The following NRIP1 variants were observed in gnomAD, a reference collection of about 807,000 sequenced individuals.
The protein encoded by NRIP1 is nuclear receptor interacting protein 1.
A neutral mutation model predicts 75.0 loss-of-function variants in NRIP1; 28 were observed. The observed-to-expected ratio is 0.37, with a 90% CI of 0.28 to 0.51. The LOEUF (loss-of-function observed/expected upper bound fraction) is 0.51, where lower values mean the gene tolerates loss of function less well. NRIP1 is among the 20% of genes least tolerant of loss of function. The pLI is 0.92. For synonymous variants in NRIP1, 526 were observed against 487.6 expected (o/e 1.08, Z -1.04); for missense variants, 1,435 against 1,343.7 (o/e 1.07, Z -1.06).
chr21:15,052,015 G>A (rs1389645447), intron 1 of NRIP1: 1 of 152,108 alleles, frequency 6.6e-6, no homozygotes, highest in Non-Finnish European at 1.5e-5. Flanking sequence ...GTTCAATTAT[G>A]TTAAGCTAAA....
At chr21:14,975,494 G>A (rs2087031156) in intron 3 of NRIP1, among the ~76,000 whole-genome samples, 1 of 152,084 alleles carries the variant, frequency 6.6e-6, no homozygotes, top group South Asian at 2.1e-4. Flanking sequence ...TGGCTAGCCT[G>A]TAATCCTAGC....
intron 3 of NRIP1, among the ~76,000 whole-genome samples, chr21:14,991,459 G>C (rs187328011): frequency 1.3e-5 from 2 of 151,964 alleles, no homozygotes; most frequent in Admixed American, 1.3e-4. Flanking sequence ...TTATTTTAAA[G>C]GCCTTTTTGA....
At chr21:15,006,007 A>C (rs938442980) in intron 3 of NRIP1, among the ~76,000 whole-genome samples, 1 of 152,098 alleles carries the variant, frequency 6.6e-6, no homozygotes, top group Admixed American at 6.5e-5. Flanking sequence ...ATCAATATTT[A>C]TCTCTAGAAT....
intron 3 of NRIP1, among the ~76,000 whole-genome samples, chr21:15,011,599 GA>G (rs879939683): frequency 3.9e-5 from 6 of 152,026 alleles, no homozygotes; most frequent in Admixed American, 2.6e-4. Context: ...AATCAAACTA[GA>G]AAAAAGTACA....
chr21:15,051,186 G>A (rs907883375), intron 1 of NRIP1: 3 of 299,280 alleles, frequency 1.0e-5, no homozygotes, highest in Admixed American at 4.6e-5. Flanking sequence ...GAGAACTCAT[G>A]AGTATAATAA....
At position 14,963,525 on chromosome 21, in the gene NRIP1, C is replaced by G. The variant is rs1218873668; in HGVS notation, c.*1191G>C. The G allele has an allele frequency of 2.0e-5, 3 of 152,464 alleles. No homozygotes were observed. Among genetic ancestry groups the G allele is most frequent in the Admixed American group, 2.0e-4 (3 of 15,248 alleles). 9.4% of individuals were successfully genotyped at this position (152,464 alleles called of 1,614,324 possible). A position where few individuals can be genotyped will look rare whatever the true frequency, so the allele number is the denominator to read the frequency against. ...GAACTACAATATTGCAAATTTTGAG[C>G]TGATGTGTGACTGTATTGGGGAAAA... On this transcript the variant is annotated 3_prime_UTR_variant, in exon 4 of 4. Transcript: ENST00000318948.
chr21:14,998,620 C>T (rs2087785596), intron 3 of NRIP1, among the ~76,000 whole-genome samples: 1 of 152,192 alleles, frequency 6.6e-6, no homozygotes, highest in African/African-American at 2.4e-5. Context: ...TCTTCCATTT[C>T]TGCCAATCCT....
intron 1 of NRIP1, among the ~76,000 whole-genome samples, chr21:15,057,873 T>C (rs987515883): frequency 2.6e-5 from 4 of 152,202 alleles, no homozygotes; most frequent in Non-Finnish European, 4.4e-5. Flanking sequence ...GCACAATGTC[T>C]GGCACAAAAC....
intron 1 of NRIP1, among the ~76,000 whole-genome samples, chr21:15,057,335 T>A (rs917862328): frequency 6.6e-6 from 1 of 152,224 alleles, no homozygotes; most frequent in Admixed American, 6.5e-5. Context: ...CAATGAATTA[T>A]ATAAAGAAAC....
intron 2 of NRIP1, among the ~76,000 whole-genome samples, chr21:15,036,065 T>A (rs895118406): frequency 1.3e-5 from 2 of 152,214 alleles, no homozygotes; most frequent in Admixed American, 6.5e-5. Flanking sequence ...TAACACTCCT[T>A]GTGAGGTTAT....
intron 2 of NRIP1, among the ~76,000 whole-genome samples, chr21:15,019,579 C>T (rs1178184200): frequency 7.0e-6 from 1 of 143,794 alleles, no homozygotes; most frequent in East Asian, 2.2e-4. Flanking sequence ...ACCTCTGCCT[C>T]CCAGGTTCAA....
chr21:14,976,612 A>G (rs899414209), intron 3 of NRIP1, among the ~76,000 whole-genome samples: 1 of 152,124 alleles, frequency 6.6e-6, no homozygotes, highest in African/African-American at 2.4e-5. Context: ...TATGTTTTAC[A>G]TTTTCTGTTT....
chr21:14,969,783 A>C (rs1187642714), intron 3 of NRIP1, among the ~76,000 whole-genome samples: 1 of 152,230 alleles, frequency 6.6e-6, no homozygotes, highest in Non-Finnish European at 1.5e-5. Flanking sequence ...ATCTGATTGT[A>C]TCAAATTGTT....
Position 14,967,985 on chromosome 21 carries a change from T to C in NRIP1, c.208A>G (p.Thr70Ala). 6.2e-7 allele frequency: 1 copy of C among 1,614,048 alleles called. No individual in the cohort carries two copies. Among genetic ancestry groups the C allele is most frequent in the South Asian group, 1.1e-5 (1 of 91,076 alleles). Residue 70 changes from threonine to alanine, a missense_variant, in exon 4 of 4, where the codon ACA (threonine) becomes GCA (alanine). By Grantham distance (58) the Thr-to-Ala change is moderately conservative. Transcript: ENST00000318948. Reference protein sequence around the residue: ...TCQSNGPVLNTHTYQGSGMLH... With the variant: ...TCQSNGPVLNAHTYQGSGMLH... ...ATGCCAGACCCCTGATATGTATGTG[T>C]ATTGAGAACTGGACCATTACTTTGA... is the stretch of plus-strand genomic sequence containing the variant.
At chr21:14,994,451 TCTAA>T (rs2087664205) in intron 3 of NRIP1, among the ~76,000 whole-genome samples, 1 of 152,046 alleles carries the variant, frequency 6.6e-6, no homozygotes, top group Non-Finnish European at 1.5e-5. Context: ...TTGAGTGCTA[TCTAA>T]CTTTTTTATT....
intron 2 of NRIP1, among the ~76,000 whole-genome samples, chr21:15,021,704 G>GA (rs199588973): frequency 2.0e-5 from 3 of 147,362 alleles, no homozygotes; most frequent in Non-Finnish European, 3.0e-5. Flanking sequence ...AAATTTACAA[G>GA]AAAAAAAACA....
In NRIP1 at chr21:14,990,647, T is replaced by C. The variant is rs181086981; in HGVS notation, c.-334-22121A>G. ...AAGAGATGCTGGTGTTCAAGCTATA[T>C]GTGTGAACAGACATGGAAAATGAAT... On this transcript the variant is annotated intron_variant, in intron 3 of 3. Coordinates refer to ENST00000318948, the MANE Select transcript of NRIP1 (RefSeq NM_003489.4). Among the ~76,000 whole-genome samples the C allele has an allele frequency of 1.9e-3, 287 of 152,322 alleles. 2 individuals are homozygous for C. The highest frequency in any genetic ancestry group is 5.4e-3 in the Admixed American group (82 of 15,292).
In NRIP1 at chr21:14,966,045, G is replaced by A. The variant is rs185987444; in HGVS notation, c.2148C>T (p.Leu716=). ...LLERRTVLQL[L]LGNPNKGKSE... is the part of the protein sequence containing the mutation. ...TCTTCCCTTTGTTGGGGTTCCCCAG[G>A]AGCAACTGGAGGACAGTACGTCTTT... The change falls in exon 4 of 4, where the codon CTC becomes CTT. Residue 716 remains leucine (L), a synonymous_variant. Transcript: ENST00000318948. 3.7e-6 allele frequency: 6 copies of A among 1,612,564 alleles called. No individual in the cohort carries two copies. The African/African-American group carries it at 8.0e-5, about 22-fold the overall frequency.
intron 2 of NRIP1, among the ~76,000 whole-genome samples, chr21:15,028,521 G>C (rs963515684): frequency 6.6e-6 from 1 of 152,132 alleles, no homozygotes; most frequent in Non-Finnish European, 1.5e-5. Context: ...ATTTCTTTTT[G>C]TATGTATATT....
Sources: allele counts gnomAD v4.1 joint callset (sites outside exome capture counted in the v4.1 genomes callset), GRCh38; gene constraint gnomAD v4.1.1; transcripts MANE v1.5; gene names NCBI Gene and HGNC (gene_info 2026-07-23, HGNC 2026-07-21).